Variants in PACSIN1 observed in about 807,000 individuals in gnomAD.
The protein encoded by PACSIN1 is protein kinase C and casein kinase substrate in neurons 1.
PACSIN1 carries 15 observed loss-of-function variants against 59.5 expected under a neutral mutation model. The observed-to-expected ratio is 0.25, with a 90% CI of 0.17 to 0.39. The LOEUF is 0.39. Among genes scored for constraint, PACSIN1 ranks in the 10% least tolerant of loss-of-function variants. PACSIN1 has a pLI of 1.00. For synonymous variants in PACSIN1, 210 were observed against 220.6 expected (o/e 0.95, Z 0.42); for missense variants, 420 against 580.2 (o/e 0.72, Z 2.84).
At chr6:34,522,480 G>A (rs73746673) in intron 1 of PACSIN1, among the ~76,000 whole-genome samples, 7,370 of 152,270 alleles carry the variant, frequency 0.048, 379 homozygotes, top group African/African-American at 0.13. Flanking sequence ...TCAAATCCCA[G>A]TTGCACCTTT....
chr6:34,469,648 C>T (rs1206966441), intron 1 of PACSIN1, among the ~76,000 whole-genome samples: 1 of 152,330 alleles, frequency 6.6e-6, no homozygotes, highest in African/African-American at 2.4e-5. Flanking sequence ...CATCCTGCGC[C>T]CATCAGGCAC....
chr6:34,492,195 CT>C (rs55745060), intron 1 of PACSIN1, among the ~76,000 whole-genome samples: 1,113 of 79,898 alleles, frequency 0.014, 6 homozygotes, highest in African/African-American at 0.03. Context: ...CTTTTTTGAC[CT>C]TTTTTTTTTT....
intron 1 of PACSIN1, among the ~76,000 whole-genome samples, chr6:34,480,071 C>T (rs529947274): frequency 6.6e-6 from 1 of 152,060 alleles, no homozygotes; most frequent in South Asian, 2.1e-4. Flanking sequence ...GGTGATCCAC[C>T]CACCTCGGCC....
intron 1 of PACSIN1, among the ~76,000 whole-genome samples, chr6:34,490,719 TGAA>T (rs1389004616): frequency 6.6e-6 from 1 of 152,180 alleles, no homozygotes; most frequent in Non-Finnish European, 1.5e-5. Flanking sequence ...CCGGCCTTCC[TGAA>T]GAAGACAGAT....
rs1767673811 is a variant in PACSIN1 at position 34,535,184 on chromosome 6, G to A, written c.*2654G>A. On this transcript the variant is annotated 3_prime_UTR_variant, in exon 10 of 10. Transcript: ENST00000244458. The stretch of plus-strand genomic sequence containing the variant: ...ATACAAATATATATATATATCAGTT[G>A]TGATTGTATGACTGTGGATAAAATC... The A allele has an allele frequency of 1.3e-5, 2 of 152,240 alleles. No homozygotes were observed. Among genetic ancestry groups the A allele is most frequent in the Admixed American group, 6.5e-5 (1 of 15,290 alleles). The allele number at this position is 152,240 out of a possible 1,614,324, so 9.4% of individuals were successfully genotyped here. A position where few individuals can be genotyped will look rare whatever the true frequency, so the allele number is the denominator to read the frequency against.
intron 1 of PACSIN1, among the ~76,000 whole-genome samples, chr6:34,484,585 C>G (rs1766765246): frequency 6.6e-6 from 1 of 151,776 alleles, no homozygotes; most frequent in Non-Finnish European, 1.5e-5. Flanking sequence ...AGAGTGAACC[C>G]TAATGTAAAC....
chr6:34,522,583 G>A (rs917862138), intron 1 of PACSIN1, among the ~76,000 whole-genome samples: 1 of 152,152 alleles, frequency 6.6e-6, no homozygotes, highest in African/African-American at 2.4e-5. Flanking sequence ...TGGATAGATA[G>A]GTAGGTAGAG....
Position 34,525,496 on chromosome 6 carries a change from C to T in PACSIN1, c.-63-747C>T, listed in dbSNP as rs928687985. On this transcript the variant is annotated intron_variant, in intron 1 of 9. Coordinates refer to ENST00000244458, the MANE Select transcript of PACSIN1 (RefSeq NM_020804.5). This position sits in a 1 kb window ranked among gnomAD's most constrained non-coding sequence, Gnocchi z 4.9. ...CTGCAGTGCAGAAGCAGGGAGGTGT[C>T]CCCTGGTGCCGGGATCCAGCTAGAG... Among the ~76,000 whole-genome samples, 5 of 152,236 alleles carry T rather than the reference C, an allele frequency of 3.3e-5. No individual in the cohort carries two copies. Among genetic ancestry groups the T allele is most frequent in the African/African-American group, 1.2e-4 (5 of 41,460 alleles).
In PACSIN1 at chr6:34,526,256, G is replaced by A. The variant is rs545786362; in HGVS notation, c.-50G>A. ...CTGCCCTCCCAGTGCATGAGCAGCCGAGCCTGCTAACCGCAGCTCCGCACT... is the reference window on the plus strand; with the variant it reads ...CTGCCCTCCCAGTGCATGAGCAGCCAAGCCTGCTAACCGCAGCTCCGCACT... On this transcript the variant is annotated 5_prime_UTR_variant, in exon 2 of 10. Transcript: ENST00000244458. The A allele has an allele frequency of 1.3e-6, 2 of 1,502,866 alleles. No individual in the cohort carries two copies. Among genetic ancestry groups the A allele is most frequent in the Admixed American group, 1.7e-5 (1 of 59,706 alleles). The allele number at this position is 1,502,866 out of a possible 1,614,324, so 93.1% of individuals were successfully genotyped here.
In PACSIN1 at chr6:34,530,281, G is replaced by C. The variant is rs930795813; in HGVS notation, c.827G>C (p.Arg276Pro). 1 of 1,613,900 alleles carries C rather than the reference G, an allele frequency of 6.2e-7. No homozygotes were observed. Among genetic ancestry groups the C allele is most frequent in the Non-Finnish European group, 8.5e-7 (1 of 1,179,902 alleles). ...TACCGTGAGCTGGAGCAGGCCATCC[G>C]GGGGGCTGATGCCCAGGAAGACCTC... is the stretch of plus-strand genomic sequence containing the variant. ...HVYRELEQAI[R>P]GADAQEDLRW... Residue 276 changes from arginine to proline, a missense_variant, in exon 7 of 10, where the codon CGG becomes CCG. Coordinates refer to ENST00000244458, the MANE Select transcript of PACSIN1 (RefSeq NM_020804.5). The surrounding 1 kb of genome is among the most constrained non-coding windows in gnomAD (Gnocchi z 4.4).
At position 34,528,685 on chromosome 6, in the gene PACSIN1, G is replaced by A. The variant is rs1316558110; in HGVS notation, c.264G>A (p.Met88Ile). Residue 88 changes from methionine (M) to isoleucine (I), a missense_variant, in exon 4 of 10, where the codon ATG becomes ATA. Met to Ile is a conservative substitution (Grantham distance 10). Transcript: ENST00000244458. ...TGGAGCGGGCCTGGGGTGCCATAATGACAGAGGCAGACAAGGTGAGCGAGC... is the reference window on the plus strand; with the variant it reads ...TGGAGCGGGCCTGGGGTGCCATAATAACAGAGGCAGACAAGGTGAGCGAGC... ...GSLERAWGAI[M>I]TEADKVSELH... 1.2e-6 allele frequency: 2 copies of A among 1,614,088 alleles called. No homozygotes were observed. The highest frequency in any genetic ancestry group is 1.7e-6 in the Non-Finnish European group (2 of 1,180,024).
At chr6:34,527,227 G>T in intron 2 of PACSIN1, 105 bp from the exon 3 acceptor site, 3 of 1,173,978 alleles carry the variant, frequency 2.6e-6, no homozygotes, top group Non-Finnish European at 3.3e-6. Context: ...GGCCGTAAGC[G>T]GGGAGGCGGG....
At chr6:34,493,544 T>C (rs1766906758) in intron 1 of PACSIN1, among the ~76,000 whole-genome samples, 1 of 152,232 alleles carries the variant, frequency 6.6e-6, no homozygotes, top group Non-Finnish European at 1.5e-5. Context: ...TTGAGAGTTG[T>C]GATTACTCTG....
intron 1 of PACSIN1, among the ~76,000 whole-genome samples, chr6:34,469,578 G>A (rs570083072): frequency 6.6e-6 from 1 of 152,328 alleles, no homozygotes; most frequent in East Asian, 1.9e-4. Context: ...GTGCCCTGGG[G>A]CTAGAGTGGC....
rs1210538881 is a variant in PACSIN1 at position 34,516,660 on chromosome 6, C to A, written c.-63-9583C>A. 3.3e-5 allele frequency among the ~76,000 whole-genome samples: 5 copies of A among 152,156 alleles called. No homozygotes were observed. In the East Asian group the frequency reaches 7.7e-4, roughly 23 times the overall value. Reference sequence around the variant, plus strand: ...CACTCAGCAGGCCCTCCAGGCCTGGCCCCGACCTCCAGCCCCTGGCCTGCC... The same window carrying A: ...CACTCAGCAGGCCCTCCAGGCCTGGACCCGACCTCCAGCCCCTGGCCTGCC... On this transcript the variant is annotated intron_variant, in intron 1 of 9. Coordinates refer to ENST00000244458, the MANE Select transcript of PACSIN1 (RefSeq NM_020804.5). This position sits in a 1 kb window ranked among gnomAD's most constrained non-coding sequence, Gnocchi z 5.4.
In PACSIN1 at chr6:34,530,103, C is replaced by A. The variant is rs1767563734; in HGVS notation, c.789-140C>A. ...CCACCGAGCATGCCCGGAGCTTATT[C>A]TTGCAAAGCCCACATGATTCCTGGC... On this transcript the variant is annotated intron_variant, in intron 6 of 9. Transcript: ENST00000244458. This position sits in a 1 kb window ranked among gnomAD's most constrained non-coding sequence, Gnocchi z 4.4. 16 of 1,229,330 alleles carry A rather than the reference C, an allele frequency of 1.3e-5. No individual in the cohort carries two copies. Among genetic ancestry groups the A allele is most frequent in the Non-Finnish European group, 1.8e-5 (16 of 898,556 alleles). 76.2% of individuals were successfully genotyped at this position (1,229,330 alleles called of 1,614,324 possible).
At chr6:34,505,743 G>T (rs1204149498) in intron 1 of PACSIN1, among the ~76,000 whole-genome samples, 1 of 145,410 alleles carries the variant, frequency 6.9e-6, no homozygotes, top group Non-Finnish European at 1.5e-5. Flanking sequence ...AAGCGATTTT[G>T]TATCTCAGCC....
Position 34,531,898 on chromosome 6 carries a change from G to C in PACSIN1, c.1225+111G>C, listed in dbSNP as rs1371727627. 4.9e-6 allele frequency: 5 copies of C among 1,029,842 alleles called. No homozygotes were observed. Among genetic ancestry groups the C allele is most frequent in the Non-Finnish European group, 7.0e-6 (5 of 711,856 alleles). The allele number at this position is 1,029,842 out of a possible 1,614,324, so 63.8% of individuals were successfully genotyped here. A position where few individuals can be genotyped will look rare whatever the true frequency, so the allele number is the denominator to read the frequency against. On this transcript the variant is annotated intron_variant, in intron 9 of 9. Coordinates refer to ENST00000244458, the MANE Select transcript of PACSIN1 (RefSeq NM_020804.5). The surrounding 1 kb of genome is among the most constrained non-coding windows in gnomAD (Gnocchi z 4.4). ...AAGCTTGGGTCTGGATTGGGTGTGT[G>C]GTGGTGCAGGGGCGGTGCCTGAGAG...
chr6:34,518,064 A>C lies in PACSIN1; in HGVS notation c.-63-8179A>C, dbSNP rs949752355. Among the ~76,000 whole-genome samples the C allele has an allele frequency of 4.6e-5, 7 of 152,182 alleles. No individual in the cohort carries two copies. Among genetic ancestry groups the C allele is most frequent in the Admixed American group, 2.6e-4 (4 of 15,282 alleles). The stretch of plus-strand genomic sequence containing the variant: ...CCTCAGGGACATTGGGTTGGACAGG[A>C]CACTGGGCCTGCACTGGGTCCACAC... On this transcript the variant is annotated intron_variant, in intron 1 of 9. Transcript: ENST00000244458. The surrounding 1 kb of genome is among the most constrained non-coding windows in gnomAD (Gnocchi z 4.4).
Sources: gnomAD v4.1 joint callset for allele counts (sites outside exome capture counted in the v4.1 genomes callset) on GRCh38, gnomAD v4.1.1 for gene constraint, Gnocchi (gnomAD v3.1) non-coding constraint, MANE v1.5 for transcripts, NCBI Gene and HGNC (gene_info 2026-07-23, HGNC 2026-07-21) for gene names.